CAMTA1: variants seen among roughly 807,000 people sequenced by gnomAD.
CAMTA1 encodes the protein calmodulin-binding transcription activator 1.
CAMTA1 carries 27 observed loss-of-function variants against 170.9 expected under a neutral mutation model. The observed-to-expected ratio is 0.16, with a 90% CI of 0.12 to 0.22. CAMTA1 has a LOEUF of 0.22. Ranked by LOEUF, CAMTA1 falls within the 10% of genes least tolerant of loss-of-function variation. The pLI, the probability that CAMTA1 is intolerant of heterozygous loss-of-function variation, is 1.00. For missense variants in CAMTA1, 1,619 were observed against 2,217.2 expected, an observed-to-expected ratio of 0.73 and a Z score of 5.42; for synonymous variants, 833 against 891.5, an observed-to-expected ratio of 0.93 and a Z score of 1.17.
chr1:7,664,637 C>G lies in CAMTA1; in HGVS notation c.2090C>G (p.Ala697Gly), dbSNP rs111266786. ...GAGGTCACCATGGAGACCTCGCAGG[C>G]GGCGGAAGGGAGCGAGGTCCTGCTC... is the stretch of plus-strand genomic sequence containing the variant. The part of the protein sequence containing the change: ...EGEVTMETSQ[A>G]AEGSEVLLKS... Residue 697 changes from alanine to glycine, a missense_variant, in exon 9 of 23, where the codon GCG becomes GGG. Ala to Gly is a moderately conservative substitution (Grantham distance 60). Around this residue, in one of 8 missense-constraint regions of CAMTA1, gnomAD observed 731 missense variants for 907.6 expected, o/e 0.81. Transcript: ENST00000303635. 1.9e-6 allele frequency: 3 copies of G among 1,607,368 alleles called. No individual in the cohort carries two copies. Among genetic ancestry groups the G allele is most frequent in the Non-Finnish European group, 2.6e-6 (3 of 1,175,252 alleles).
intron 5 of CAMTA1, among the ~76,000 whole-genome samples, chr1:7,324,764 G>A (rs1183669726): frequency 4.1e-5 from 6 of 145,678 alleles, no homozygotes; most frequent in Non-Finnish European, 6.0e-5. Context: ...CCGAGATCGC[G>A]CCACTGCACT....
chr1:7,535,665 G>T (rs906615440), intron 6 of CAMTA1, among the ~76,000 whole-genome samples: 5 of 152,170 alleles, frequency 3.3e-5, no homozygotes, highest in Admixed American at 2.0e-4. Flanking sequence ...CAGGAGACTT[G>T]GCTGAAGACC....
intron 3 of CAMTA1, among the ~76,000 whole-genome samples, chr1:7,047,065 G>T (rs373865544): frequency 6.6e-5 from 10 of 152,292 alleles, no homozygotes; most frequent in African/African-American, 2.4e-4. Context: ...TGTGTGGTTT[G>T]CTATGTGCCC....
chr1:6,975,607 G>C (rs1170784675), intron 3 of CAMTA1, among the ~76,000 whole-genome samples: 1 of 152,136 alleles, frequency 6.6e-6, no homozygotes, highest in Admixed American at 6.5e-5. Context: ...GAGAGGAGGA[G>C]GTGGAGCCTG....
chr1:6,900,450 A>G (rs1213120851), intron 3 of CAMTA1, among the ~76,000 whole-genome samples: 1 of 151,766 alleles, frequency 6.6e-6, no homozygotes, highest in Non-Finnish European at 1.5e-5. Context: ...CTAATAATTG[A>G]AAAGCACCTG....
At chr1:6,806,568 G>A (rs1458724590) in intron 1 of CAMTA1, among the ~76,000 whole-genome samples, 1 of 152,198 alleles carries the variant, frequency 6.6e-6, no homozygotes, top group Non-Finnish European at 1.5e-5. Context: ...GTAGTAGGCT[G>A]CCTTGGTGAA....
chr1:7,662,760 CG>C (rs1261955450), intron 8 of CAMTA1, among the ~76,000 whole-genome samples: 2 of 152,144 alleles, frequency 1.3e-5, no homozygotes, highest in African/African-American at 4.8e-5. Flanking sequence ...GGTACCTTTC[CG>C]CCTCTGGAGC....
intron 1 of CAMTA1, among the ~76,000 whole-genome samples, chr1:6,801,999 G>C (rs1235182106): frequency 6.6e-6 from 1 of 152,182 alleles, no homozygotes; most frequent in African/African-American, 2.4e-5. Flanking sequence ...TGTCAGGGAA[G>C]GTAAGCAGGC....
intron 5 of CAMTA1, among the ~76,000 whole-genome samples, chr1:7,366,507 A>C (rs1006226007): frequency 1.3e-5 from 2 of 152,192 alleles, no homozygotes; most frequent in African/African-American, 4.8e-5. Flanking sequence ...TGGCAAATGG[A>C]ATTATTTACA....
chr1:7,574,556 C>T (rs1001104668), intron 6 of CAMTA1, among the ~76,000 whole-genome samples: 10 of 152,172 alleles, frequency 6.6e-5, no homozygotes, highest in South Asian at 4.1e-4. Flanking sequence ...GCACGGGCCA[C>T]GATCAATATG....
At chr1:7,242,771 A>AAAATAAATAAAT (rs199861423) in intron 4 of CAMTA1, among the ~76,000 whole-genome samples, 5,068 of 145,488 alleles carry the variant, frequency 0.035, 306 homozygotes, top group African/African-American at 0.12. Context: ...TACTGAAAAT[A>AAAATAAATAAAT]AAATAAATAA....
intron 4 of CAMTA1, among the ~76,000 whole-genome samples, chr1:7,200,284 T>C (rs1378972543): frequency 6.6e-6 from 1 of 152,238 alleles, no homozygotes; most frequent in East Asian, 1.9e-4. Context: ...CACTGTGTGT[T>C]TAAGACCAAG....
At chr1:7,075,332 A>G (rs1639152164) in intron 3 of CAMTA1, among the ~76,000 whole-genome samples, 1 of 152,222 alleles carries the variant, frequency 6.6e-6, no homozygotes, top group African/African-American at 2.4e-5. Context: ...ATTTATGATG[A>G]TAATATCTGG....
chr1:7,342,794 G>A (rs75786213), intron 5 of CAMTA1, among the ~76,000 whole-genome samples: 35 of 152,298 alleles, frequency 2.3e-4, no homozygotes, highest in African/African-American at 7.7e-4. Flanking sequence ...TCTTGAGGCC[G>A]AGGGCCTGAG....
In CAMTA1 at chr1:6,971,171, T is replaced by C. The variant is rs551249627; in HGVS notation, c.235-120133T>C. 6.6e-6 allele frequency among the ~76,000 whole-genome samples: 1 copy of C among 152,258 alleles called. No homozygotes were observed. The highest frequency in any genetic ancestry group is 2.1e-4 in the South Asian group (1 of 4,824). On this transcript the variant is annotated intron_variant, in intron 3 of 22. Coordinates refer to ENST00000303635, the MANE Select transcript of CAMTA1 (RefSeq NM_015215.4). The surrounding 1 kb of genome is among the most constrained non-coding windows in gnomAD (Gnocchi z 4.6). ...CTTGAAGTAATTAACAGAGTGAGCA[T>C]GAGACGTTCCTGCTGGAGAAGAGCA...
chr1:7,523,725 A>AC (rs2094395799), intron 6 of CAMTA1, among the ~76,000 whole-genome samples: 1 of 150,570 alleles, frequency 6.6e-6, no homozygotes, highest in African/African-American at 2.5e-5. Flanking sequence ...AAATATACAA[A>AC]AAAAAAAATT....
intron 6 of CAMTA1, among the ~76,000 whole-genome samples, chr1:7,578,271 G>A (rs1031816272): frequency 6.6e-6 from 1 of 152,316 alleles, no homozygotes; most frequent in Non-Finnish European, 1.5e-5. Context: ...GACAGGGGCC[G>A]TGGCCTGCTC....
chr1:7,243,510 T>A (rs1003457113), intron 4 of CAMTA1, among the ~76,000 whole-genome samples: 1 of 152,212 alleles, frequency 6.6e-6, no homozygotes, highest in African/African-American at 2.4e-5. Context: ...ATTGTTTCTG[T>A]CAGGTTTGTC....
At chr1:7,264,216 G>A (rs1255826136) in intron 5 of CAMTA1, among the ~76,000 whole-genome samples, 3 of 152,192 alleles carry the variant, frequency 2.0e-5, no homozygotes, top group African/African-American at 7.2e-5. Flanking sequence ...GGTCTGGGTG[G>A]GGCCTGAGAT....
Sources: allele counts gnomAD v4.1 joint callset (sites outside exome capture counted in the v4.1 genomes callset), GRCh38; gene constraint gnomAD v4.1.1; regional missense constraint gnomAD v4.1.1; non-coding constraint Gnocchi (gnomAD v3.1); transcripts MANE v1.5; gene names NCBI Gene and HGNC (gene_info 2026-07-23, HGNC 2026-07-21).